ZGRF1: variants seen among roughly 807,000 people sequenced by gnomAD.
The protein encoded by ZGRF1 is zinc finger GRF-type containing 1.
A neutral mutation model predicts 203.5 loss-of-function variants in ZGRF1; 196 were observed. The observed-to-expected ratio is 0.96, with a 90% CI of 0.86 to 1.08. The LOEUF (loss-of-function observed/expected upper bound fraction) is 1.08. ZGRF1 is among the 50% of genes least tolerant of loss of function. ZGRF1 has a pLI of 0.00. For synonymous variants in ZGRF1, 809 were observed against 841.3 expected (o/e 0.96, Z 0.66); for missense variants, 2,326 against 2,416.3 (o/e 0.96, Z 0.78).
At chr4:112,542,450 T>C (rs1421589167) in intron 24 of ZGRF1, among the ~76,000 whole-genome samples, 1 of 152,186 alleles carries the variant, frequency 6.6e-6, no homozygotes, top group Admixed American at 6.5e-5. Context: ...AGAGAAGTTA[T>C]ATTTACGGTA....
chr4:112,586,695 T>G (rs1747253432), intron 12 of ZGRF1, 112 bp from the exon 13 acceptor site: 1 of 827,732 alleles, frequency 1.2e-6, no homozygotes, highest in Non-Finnish European at 1.7e-6. Flanking sequence ...TCTTTTGATT[T>G]CTAGGATCCT....
At chr4:112,544,914 G>C (rs984178647) in intron 24 of ZGRF1, among the ~76,000 whole-genome samples, 1 of 152,108 alleles carries the variant, frequency 6.6e-6, no homozygotes, top group Non-Finnish European at 1.5e-5. Context: ...TCCACACATG[G>C]TATTGGGAAA....
At chr4:112,627,836 T>A (rs147811848) in intron 3 of ZGRF1, among the ~76,000 whole-genome samples, 4 of 152,260 alleles carry the variant, frequency 2.6e-5, no homozygotes, top group Non-Finnish European at 5.9e-5. Context: ...AAATTCTTCA[T>A]GATATTGTTC....
intron 16 of ZGRF1, chr4:112,565,260 T>C (rs972813394): frequency 7.0e-5 from 112 of 1,589,224 alleles, no homozygotes; most frequent in Non-Finnish European, 4.0e-5. Context: ...CAGCTATCGG[T>C]GCTTTGCAGG....
chr4:112,627,871 T>G (rs1296766278), intron 3 of ZGRF1, among the ~76,000 whole-genome samples: 1 of 152,270 alleles, frequency 6.6e-6, no homozygotes, highest in Non-Finnish European at 1.5e-5. Context: ...AGCTTTATAC[T>G]GCATCATTTC....
At chr4:112,575,928 T>G (rs993444114) in intron 16 of ZGRF1, among the ~76,000 whole-genome samples, 1 of 151,962 alleles carries the variant, frequency 6.6e-6, no homozygotes, top group African/African-American at 2.4e-5. Flanking sequence ...TTGAAGAGAG[T>G]AGTGGTTCTC....
Position 112,563,201 on chromosome 4 carries a change from T to G in ZGRF1, c.4512A>C (p.Gly1504=). ...DTFIACSAFF[G]PSSINEIEIL... ...TTTCTATCTCATTGATAGATGATGG[T>G]CCAAAGAAAGCACTACATGCGATAA... The change falls in exon 17 of 28, where the codon GGA becomes GGC. Residue 1504 remains glycine (G), a synonymous_variant. Coordinates refer to ENST00000505019, the MANE Select transcript of ZGRF1 (RefSeq NM_018392.5). 6.4e-7 allele frequency: 1 copy of G among 1,551,070 alleles called. No individual in the cohort carries two copies. Among genetic ancestry groups the G allele is most frequent in the African/African-American group, 1.4e-5 (1 of 73,122 alleles).
chr4:112,563,374 A>G, intron 16 of ZGRF1, 100 bp from the exon 17 acceptor site: 2 of 754,318 alleles, frequency 2.7e-6, no homozygotes, highest in Non-Finnish European at 4.1e-6. Flanking sequence ...ACATATATCT[A>G]TAGTACACAT....
chr4:112,616,312 G>C (rs2046866916), intron 6 of ZGRF1, among the ~76,000 whole-genome samples: 1 of 151,828 alleles, frequency 6.6e-6, no homozygotes, highest in Admixed American at 6.6e-5. Context: ...CTGAGGTCAA[G>C]AGTTCAAGAC....
chr4:112,609,751 T>C (rs530298897), intron 7 of ZGRF1, among the ~76,000 whole-genome samples: 19 of 150,100 alleles, frequency 1.3e-4, no homozygotes, highest in East Asian at 8.0e-4. Context: ...TGGGCCAAGA[T>C]TGCGCCACTG....
intron 20 of ZGRF1, among the ~76,000 whole-genome samples, chr4:112,557,195 A>G (rs969639820): frequency 6.7e-6 from 1 of 150,220 alleles, no homozygotes; most frequent in Non-Finnish European, 1.5e-5. Context: ...TTTTTGAGAC[A>G]GATTCTCCCT....
intron 12 of ZGRF1, 94 bp from the exon 13 acceptor site, chr4:112,586,677 T>C: frequency 1.0e-6 from 1 of 973,644 alleles, no homozygotes; most frequent in Non-Finnish European, 1.4e-6. Context: ...TTTAAAAATA[T>C]TAATTTTTCT....
intron 18 of ZGRF1, among the ~76,000 whole-genome samples, chr4:112,561,812 G>T (rs1742030960): frequency 6.6e-6 from 1 of 150,640 alleles, no homozygotes; most frequent in Non-Finnish European, 1.5e-5. Flanking sequence ...ATACTGAAAT[G>T]ATCCTTAAAT....
intron 16 of ZGRF1, chr4:112,565,290 G>T (rs929565806): frequency 6.5e-7 from 1 of 1,534,706 alleles, no homozygotes; most frequent in African/African-American, 1.4e-5. Context: ...AGGCCTATCT[G>T]GTTGGCCTTT....
At chr4:112,600,158 G>A (rs1335437493) in intron 10 of ZGRF1, among the ~76,000 whole-genome samples, 2 of 151,908 alleles carry the variant, frequency 1.3e-5, no homozygotes, top group Non-Finnish European at 2.9e-5. Context: ...CAGCCTGCTG[G>A]GTAGCTGGGA....
At chr4:112,603,065 T>G (rs1750222123) in intron 10 of ZGRF1, among the ~76,000 whole-genome samples, 1 of 151,790 alleles carries the variant, frequency 6.6e-6, no homozygotes, top group African/African-American at 2.4e-5. Flanking sequence ...AAAGGGAAAT[T>G]TAAAAAAAAA....
rs1750302839 is a variant in ZGRF1, at chr4:112,603,587, A to G, written c.2913T>C (p.Tyr971=). 4 of 1,613,926 alleles carry G rather than the reference A, an allele frequency of 2.5e-6. No homozygotes were observed. Among genetic ancestry groups the G allele is most frequent in the South Asian group, 2.2e-5 (2 of 91,080 alleles). The change falls in exon 10 of 28, where the codon TAT becomes TAC. Residue 971 remains tyrosine (Y), a synonymous_variant. Coordinates refer to ENST00000505019, the MANE Select transcript of ZGRF1 (RefSeq NM_018392.5). ...GCSQFPDSTE[Y]ENFMTETPEL... The stretch of plus-strand genomic sequence containing the variant: ...CTGGTGTCTCTGTCATAAAGTTTTC[A>G]TACTCAGTGCTATCTGGAAACTGAC...
At chr4:112,612,257 C>A (rs913893791) in intron 7 of ZGRF1, among the ~76,000 whole-genome samples, 1 of 152,050 alleles carries the variant, frequency 6.6e-6, no homozygotes, top group Admixed American at 6.6e-5. Flanking sequence ...TGAGCCTCCA[C>A]GTCCAGCCAT....
chr4:112,557,426 T>C (rs769934400), intron 20 of ZGRF1, among the ~76,000 whole-genome samples: 14 of 152,144 alleles, frequency 9.2e-5, no homozygotes, highest in Non-Finnish European at 1.8e-4. Context: ...CTGCCTGCAT[T>C]GGCCTCCCAA....
Sources: allele counts gnomAD v4.1 joint callset (sites outside exome capture counted in the v4.1 genomes callset), GRCh38; gene constraint gnomAD v4.1.1; transcripts MANE v1.5; gene names NCBI Gene and HGNC (gene_info 2026-07-23, HGNC 2026-07-21).